The following DENND2B variants were observed in gnomAD, a reference collection of about 807,000 sequenced individuals.
DENND2B encodes the protein DENN domain-containing protein 2B.
Under a neutral mutation model 116.0 loss-of-function variants are expected in DENND2B, and 32 were observed. That is an observed-to-expected ratio of 0.28 (90% CI 0.21 to 0.37). The LOEUF (loss-of-function observed/expected upper bound fraction) is 0.37, where lower values mean the gene tolerates loss of function less well. Ranked by LOEUF, DENND2B falls within the 10% of genes least tolerant of loss-of-function variation. The pLI is 1.00. For synonymous variants in DENND2B, 588 were observed against 583.9 expected (o/e 1.01, Z -0.10); for missense variants, 1,276 against 1,477.7 (o/e 0.86, Z 2.24).
intron 2 of DENND2B, among the ~76,000 whole-genome samples, chr11:8,735,218 C>T (rs1380023728): frequency 6.6e-6 from 1 of 152,168 alleles, no homozygotes; most frequent in Non-Finnish European, 1.5e-5. Flanking sequence ...CTTTACCCAC[C>T]TGGAATGCTG....
intron 1 of DENND2B, among the ~76,000 whole-genome samples, chr11:8,901,365 G>C (rs1409083574): frequency 1.3e-5 from 2 of 151,306 alleles, no homozygotes; most frequent in African/African-American, 4.9e-5. Context: ...GAGTAGCTGG[G>C]ATTACAGGTG....
chr11:8,869,748 T>G (rs2063712543), intron 2 of DENND2B, among the ~76,000 whole-genome samples: 2 of 152,172 alleles, frequency 1.3e-5, no homozygotes, highest in Non-Finnish European at 2.9e-5. Flanking sequence ...CTAGGAACTC[T>G]CTGCCAGACC....
At chr11:8,790,085 C>T (rs2059250620) in intron 1 of DENND2B, among the ~76,000 whole-genome samples, 1 of 152,198 alleles carries the variant, frequency 6.6e-6, no homozygotes, top group South Asian at 2.1e-4. Context: ...CTGGGACTTC[C>T]CTGCACACTC....
At chr11:8,718,718 G>C (rs1430282733) in intron 4 of DENND2B, 16 of 1,131,992 alleles carry the variant, frequency 1.4e-5, no homozygotes, top group Non-Finnish European at 1.7e-5. Context: ...CTCAGGACTA[G>C]TTCTAAAATC....
upstream of DENND2B, chr11:8,810,908 C>T (rs1180470872): frequency 5.5e-6 from 1 of 181,322 alleles, no homozygotes; most frequent in Non-Finnish European, 1.1e-5. Flanking sequence ...GCATTCCACT[C>T]CTCCTACCTC....
At chr11:8,836,416 T>A (rs1237067567) in intron 4 of DENND2B, among the ~76,000 whole-genome samples, 42 of 129,476 alleles carry the variant, frequency 3.2e-4, no homozygotes, top group Admixed American at 3.1e-3. Context: ...TGTACTTCTT[T>A]TTTTTTTTTT....
intron 1 of DENND2B, among the ~76,000 whole-genome samples, chr11:8,779,485 TTTTCTTTCTTTTCTTTC>T (rs1565931117): frequency 1.2e-4 from 18 of 149,848 alleles, no homozygotes; most frequent in Middle Eastern, 3.5e-3. Context: ...GGGGTTTCCT[TTTTCTTTCTTTTCTTTC>T]TTTCTTTCTT....
chr11:8,849,510 AAAAC>A (rs943662399), intron 3 of DENND2B, among the ~76,000 whole-genome samples: 14 of 150,680 alleles, frequency 9.3e-5, no homozygotes, highest in African/African-American at 2.2e-4. Flanking sequence ...AAAAAAAAAA[AAAAC>A]AGACAGAAAG....
At chr11:8,799,172 TA>T (rs1374517445) in intron 1 of DENND2B, among the ~76,000 whole-genome samples, 3 of 152,176 alleles carry the variant, frequency 2.0e-5, no homozygotes, top group Admixed American at 6.6e-5. Flanking sequence ...CCTGGGTACT[TA>T]TTAGAGTTCA....
At chr11:8,741,854 C>A (rs1316519470) in intron 2 of DENND2B, among the ~76,000 whole-genome samples, 2 of 152,116 alleles carry the variant, frequency 1.3e-5, no homozygotes, top group Non-Finnish European at 2.9e-5. Context: ...TGATACCAGC[C>A]CCTAGCTACT....
chr11:8,824,416 T>C (rs1241865956), intron 4 of DENND2B, among the ~76,000 whole-genome samples: 1 of 152,192 alleles, frequency 6.6e-6, no homozygotes, highest in Non-Finnish European at 1.5e-5. Context: ...GTGTACTCAA[T>C]GTTTAGCTCC....
intron 1 of DENND2B, among the ~76,000 whole-genome samples, chr11:8,753,254 C>A (rs2052883700): frequency 6.6e-6 from 1 of 151,988 alleles, no homozygotes; most frequent in Non-Finnish European, 1.5e-5. Context: ...AAAAAAAAAT[C>A]AATTTTATTT....
chr11:8,824,479 G>A (rs539228591), intron 4 of DENND2B, among the ~76,000 whole-genome samples: 26 of 152,208 alleles, frequency 1.7e-4, no homozygotes, highest in Admixed American at 1.6e-3. Flanking sequence ...GCATTAGTTT[G>A]CTAAGGATAG....
chr11:8,864,241 A>G (rs559003486), intron 2 of DENND2B, among the ~76,000 whole-genome samples: 38 of 152,234 alleles, frequency 2.5e-4, no homozygotes, highest in African/African-American at 9.2e-4. Context: ...ACTCATATCC[A>G]AAACTAATTT....
intron 1 of DENND2B, among the ~76,000 whole-genome samples, chr11:8,906,047 T>C (rs1008278329): frequency 6.6e-6 from 1 of 151,696 alleles, no homozygotes; most frequent in Non-Finnish European, 1.5e-5. Context: ...GCATATGGTA[T>C]ACACTAGGGA....
chr11:8,824,039 A>C (rs1289914917), intron 4 of DENND2B, among the ~76,000 whole-genome samples: 5 of 151,474 alleles, frequency 3.3e-5, no homozygotes, highest in Non-Finnish European at 7.4e-5. Flanking sequence ...AGTAGCTGGG[A>C]CTACAGGTGC....
At chr11:8,903,419 GA>G (rs368257767) in intron 1 of DENND2B, among the ~76,000 whole-genome samples, 3 of 52,198 alleles carry the variant, frequency 5.7e-5, no homozygotes, top group Non-Finnish European at 1.2e-4. Context: ...TGTCTCAAAA[GA>G]AAAAAAAAGG....
chr11:8,754,687 G>A (rs955581853), intron 1 of DENND2B, among the ~76,000 whole-genome samples: 2 of 152,200 alleles, frequency 1.3e-5, no homozygotes, highest in East Asian at 1.9e-4. Context: ...TCCATCAACT[G>A]ATGATAAACA....
In DENND2B at chr11:8,702,786, C is replaced by T. The variant is rs181593798; in HGVS notation, c.2572-66G>A. 4,372 of 1,522,608 alleles carry T rather than the reference C, an allele frequency of 2.9e-3. 16 individuals are homozygous for T. Among genetic ancestry groups the T allele is most frequent in the South Asian group, 6.0e-3 (525 of 87,132 alleles). The allele number at this position is 1,522,608 out of a possible 1,614,324, so 94.3% of individuals were successfully genotyped here. On this transcript the variant is annotated intron_variant, in intron 13 of 19. Coordinates refer to ENST00000313726, the MANE Select transcript of DENND2B (RefSeq NM_213618.2). The surrounding 1 kb of genome is among the most constrained non-coding windows in gnomAD (Gnocchi z 4.6). ...GTGGGTGCTGCCCTCTGGCCCTCCA[C>T]GAAGCAACTGGAGCTGCTTTCCCCT...
Sources: gnomAD v4.1 joint callset for allele counts (sites outside exome capture counted in the v4.1 genomes callset) on GRCh38, gnomAD v4.1.1 for gene constraint, Gnocchi (gnomAD v3.1) non-coding constraint, MANE v1.5 for transcripts, NCBI Gene and HGNC (gene_info 2026-07-23, HGNC 2026-07-21) for gene names.